Variants in ROBO2 observed in about 807,000 individuals in gnomAD.
ROBO2 encodes the protein roundabout homolog 2.
A neutral mutation model predicts 160.8 loss-of-function variants in ROBO2; 53 were observed. That is an observed-to-expected ratio of 0.33 (90% CI 0.26 to 0.41). The LOEUF (loss-of-function observed/expected upper bound fraction) is 0.41, where lower values mean the gene tolerates loss of function less well. Among genes scored for constraint, ROBO2 ranks in the 10% least tolerant of loss-of-function variants. ROBO2 has a pLI of 1.00. For synonymous variants in ROBO2, 664 were observed against 611.7 expected (o/e 1.09, Z -1.26); for missense variants, 1,577 against 1,722.4 (o/e 0.92, Z 1.49).
At chr3:76,379,124 G>C (rs1288014799) in intron 2 of ROBO2, among the ~76,000 whole-genome samples, 1 of 152,086 alleles carries the variant, frequency 6.6e-6, no homozygotes, top group African/African-American at 2.4e-5. Flanking sequence ...TGAAGACATT[G>C]TTTTAGTAAT....
At chr3:77,339,103 A>T (rs1020995517) in intron 2 of ROBO2, among the ~76,000 whole-genome samples, 1 of 152,108 alleles carries the variant, frequency 6.6e-6, no homozygotes, top group Non-Finnish European at 1.5e-5. Context: ...TTTCTAATAT[A>T]CTTACCTTAT....
rs187190183 is a variant in ROBO2 at position 77,479,199 on chromosome 3, G to A, written c.546+1628G>A. ...TTCTGGGAAGGTGAGGGGCAGAACT[G>A]CACTGCAAGCAAAGGTTGTCTTATT... On this transcript the variant is annotated intron_variant, in intron 3 of 25. Transcript: ENST00000461745. 4.7e-3 allele frequency among the ~76,000 whole-genome samples: 716 copies of A among 152,314 alleles called. 2 individuals carry two copies. Among genetic ancestry groups the A allele is most frequent in the Non-Finnish European group, 8.2e-3 (555 of 68,032 alleles).
At chr3:76,029,136 A>T (rs2066836916) in intron 2 of ROBO2, among the ~76,000 whole-genome samples, 1 of 152,072 alleles carries the variant, frequency 6.6e-6, no homozygotes, top group Non-Finnish European at 1.5e-5. Flanking sequence ...TTGGAGGAAA[A>T]GAATTCTATC....
chr3:77,336,472 C>T (rs574252473), intron 2 of ROBO2, among the ~76,000 whole-genome samples: 1 of 151,904 alleles, frequency 6.6e-6, no homozygotes, highest in South Asian at 2.1e-4. Context: ...TCTGCTCCTC[C>T]TCTTCTTCCT....
intron 6 of ROBO2, 82 bp from the exon 8 acceptor site, chr3:77,546,256 C>A (rs941280339): frequency 1.4e-6 from 2 of 1,463,266 alleles, no homozygotes; most frequent in Non-Finnish European, 1.9e-6. Flanking sequence ...GAACAGTCAA[C>A]ATAGTACCAT....
chr3:77,180,131 A>G (rs1310881924), intron 2 of ROBO2, among the ~76,000 whole-genome samples: 3 of 152,096 alleles, frequency 2.0e-5, no homozygotes, highest in East Asian at 3.9e-4. Context: ...TAACACTTAC[A>G]TTTAATCTTC....
intron 2 of ROBO2, among the ~76,000 whole-genome samples, chr3:77,297,077 A>C (rs1278267317): frequency 6.6e-6 from 1 of 152,072 alleles, no homozygotes; most frequent in African/African-American, 2.4e-5. Flanking sequence ...AAGTTGGAAA[A>C]TGTATTTTAA....
At chr3:76,042,660 C>A (rs979398509) in intron 2 of ROBO2, among the ~76,000 whole-genome samples, 2 of 151,970 alleles carry the variant, frequency 1.3e-5, no homozygotes, top group Non-Finnish European at 2.9e-5. Flanking sequence ...GGCCCAAAAC[C>A]AGACCCAAAA....
chr3:76,474,969 C>T (rs552258654), intron 2 of ROBO2, among the ~76,000 whole-genome samples: 23 of 152,110 alleles, frequency 1.5e-4, no homozygotes, highest in Admixed American at 8.5e-4. Flanking sequence ...CCCAACCAAA[C>T]GGTGCTTTGA....
intron 2 of ROBO2, among the ~76,000 whole-genome samples, chr3:76,312,153 C>T (rs551379103): frequency 6.6e-5 from 10 of 152,230 alleles, no homozygotes; most frequent in Middle Eastern, 3.4e-3. Context: ...ACATATCCCA[C>T]GAGAGACTTT....
intron 2 of ROBO2, among the ~76,000 whole-genome samples, chr3:77,153,768 T>C (rs762328143): frequency 1.1e-4 from 17 of 152,156 alleles, no homozygotes; most frequent in Non-Finnish European, 2.1e-4. Flanking sequence ...TTATATTCTG[T>C]CTTGGATGAA....
At chr3:76,223,327 G>T (rs767332622) in intron 2 of ROBO2, among the ~76,000 whole-genome samples, 1 of 151,670 alleles carries the variant, frequency 6.6e-6, no homozygotes, top group Non-Finnish European at 1.5e-5. Flanking sequence ...GGGGCAATGC[G>T]GGGTTAACCC....
intron 2 of ROBO2, among the ~76,000 whole-genome samples, chr3:77,303,656 GGGT>G (rs1373661537): frequency 6.6e-6 from 1 of 152,024 alleles, no homozygotes; most frequent in African/African-American, 2.4e-5. Context: ...TGTACATAAT[GGGT>G]GGTGGTGGTT....
At chr3:77,090,357 T>A (rs1309392892) in intron 1 of ROBO2, among the ~76,000 whole-genome samples, 3 of 72,308 alleles carry the variant, frequency 4.1e-5, no homozygotes, top group African/African-American at 2.6e-4. Context: ...TTTTTTTTTT[T>A]TTTTTTTTTT....
intron 2 of ROBO2, among the ~76,000 whole-genome samples, chr3:77,456,024 G>C (rs2081601699): frequency 6.6e-6 from 1 of 152,122 alleles, no homozygotes; most frequent in Non-Finnish European, 1.5e-5. Flanking sequence ...TTGTAGTAGA[G>C]TGATAGAGGA....
intron 2 of ROBO2, among the ~76,000 whole-genome samples, chr3:76,677,803 C>T (rs1033172631): frequency 6.6e-6 from 1 of 151,860 alleles, no homozygotes; most frequent in East Asian, 1.9e-4. Flanking sequence ...TACTATGAAA[C>T]ATATCCCAGA....
chr3:76,090,388 C>T (rs1025137362), intron 2 of ROBO2, among the ~76,000 whole-genome samples: 3 of 151,864 alleles, frequency 2.0e-5, no homozygotes, highest in Non-Finnish European at 4.4e-5. Context: ...ATCATGCCAC[C>T]GCACTCCAGC....
chr3:77,203,416 A>G (rs2083105755), intron 2 of ROBO2, among the ~76,000 whole-genome samples: 1 of 152,142 alleles, frequency 6.6e-6, no homozygotes, highest in South Asian at 2.1e-4. Flanking sequence ...TTTTTCTTAG[A>G]CTGCTTACTG....
intron 2 of ROBO2, among the ~76,000 whole-genome samples, chr3:76,100,227 A>G (rs1177915116): frequency 6.6e-6 from 1 of 152,214 alleles, no homozygotes; most frequent in African/African-American, 2.4e-5. Flanking sequence ...TTATTTAGGG[A>G]TGCCGGTTGG....
Sources: gnomAD v4.1 joint callset for allele counts (sites outside exome capture counted in the v4.1 genomes callset) on GRCh38, gnomAD v4.1.1 for gene constraint, MANE v1.5 for transcripts, NCBI Gene and HGNC (gene_info 2026-07-23, HGNC 2026-07-21) for gene names.